Variants in AFP observed in about 807,000 individuals in gnomAD.
The protein encoded by AFP is alpha fetoprotein, also known as alpha-fetoprotein.
In AFP, 64 loss-of-function variants were observed where a neutral mutation model predicts 78.9. That is an observed-to-expected ratio of 0.81 (90% CI 0.66 to 1.00). AFP has a LOEUF of 1.00. AFP is among the 50% of genes least tolerant of loss of function. The pLI is 0.00. For synonymous variants in AFP, 254 were observed against 243.8 expected (o/e 1.04, Z -0.39); for missense variants, 689 against 703.8 (o/e 0.98, Z 0.24).
intron 14 of AFP, 45 bp downstream of exon 14, chr4:73,455,335 A>AC: frequency 7.0e-7 from 1 of 1,432,538 alleles, no homozygotes; most frequent in Non-Finnish European, 9.8e-7. Flanking sequence ...TTGTTTCTCC[A>AC]GAAATATCAA....
chr4:73,453,017 G>T (rs1273953145), intron 12 of AFP, among the ~76,000 whole-genome samples: 1 of 152,100 alleles, frequency 6.6e-6, no homozygotes, highest in East Asian at 1.9e-4. Flanking sequence ...ACTTTGAAGA[G>T]AATAACCATC....
At chr4:73,448,955 G>T (rs977132170) in intron 8 of AFP, among the ~76,000 whole-genome samples, 1 of 151,872 alleles carries the variant, frequency 6.6e-6, no homozygotes, top group African/African-American at 2.4e-5. Flanking sequence ...TATTTGTTCT[G>T]CCTCCCTATA....
At chr4:73,438,150 G>C (rs371206375) in intron 2 of AFP, 24 bp from the exon 3 acceptor site, 2 of 1,612,548 alleles carry the variant, frequency 1.2e-6, no homozygotes, top group Non-Finnish European at 1.7e-6. Flanking sequence ...GTTCCTTAAG[G>C]ATTCACACGT....
chr4:73,443,200 G>A (rs1332500878), intron 5 of AFP, 147 bp from the exon 6 acceptor site: 7 of 702,648 alleles, frequency 1.0e-5, no homozygotes, highest in Middle Eastern at 3.9e-4. Flanking sequence ...AATATTCTGC[G>A]ATAATGTATG....
Position 73,449,389 on chromosome 4 carries a change from A to G in AFP, c.1113A>G (p.Leu371=). 9 of 1,613,366 alleles carry G rather than the reference A, an allele frequency of 5.6e-6. No individual in the cohort carries two copies. Among genetic ancestry groups the G allele is most frequent in the Non-Finnish European group, 5.9e-6 (7 of 1,179,470 alleles). Residue 371 remains leucine, a synonymous_variant, in exon 9 of 15, where the codon CTA becomes CTG. Transcript: ENST00000395792. ...CTCAGCTTGCTGTCTCAGTAATTCT[A>G]AGAGTTGCTAAAGGATACCAGGAGT... is the stretch of plus-strand genomic sequence containing the variant. The part of the protein sequence containing the change: ...RHPQLAVSVI[L]RVAKGYQELL...
chr4:73,443,332 T>G lies in AFP; in HGVS notation c.616-15T>G. The G allele has an allele frequency of 6.3e-7, 1 of 1,590,054 alleles. No individual in the cohort carries two copies. The highest frequency in any genetic ancestry group is 8.6e-7 in the Non-Finnish European group (1 of 1,158,132). ...AGTATATGCTTTCATGACATTTTGT[T>G]TCCTCTACATCTAGGCAGCAACAGT... On this transcript the variant is annotated splice_polypyrimidine_tract_variant and intron_variant, in intron 5 of 14. Coordinates refer to ENST00000395792, the MANE Select transcript of AFP (RefSeq NM_001134.3).
At chr4:73,454,275 T>C (rs1004792879) in intron 13 of AFP, among the ~76,000 whole-genome samples, 1 of 151,958 alleles carries the variant, frequency 6.6e-6, no homozygotes, top group Non-Finnish European at 1.5e-5. Flanking sequence ...GTATTAGGAG[T>C]CTATTTGTAG....
chr4:73,444,508 A>C (rs556908804), intron 6 of AFP, among the ~76,000 whole-genome samples: 11 of 152,312 alleles, frequency 7.2e-5, no homozygotes, highest in African/African-American at 2.4e-4. Context: ...CTCTCTTGGC[A>C]CACTGGTATG....
intron 12 of AFP, 151 bp downstream of exon 12, chr4:73,452,775 G>T (rs1720042442): frequency 2.7e-6 from 2 of 736,974 alleles, no homozygotes; most frequent in Non-Finnish European, 4.7e-6. Context: ...TTTTGTCTCA[G>T]TGTCTTCACA....
At chr4:73,446,057 T>C (rs1719814886) in intron 7 of AFP, among the ~76,000 whole-genome samples, 1 of 152,192 alleles carries the variant, frequency 6.6e-6, no homozygotes, top group South Asian at 2.1e-4. Context: ...GATAAAATGC[T>C]CATTTCAGCC....
intron 6 of AFP, among the ~76,000 whole-genome samples, chr4:73,444,244 A>G (rs1268527426): frequency 6.6e-6 from 1 of 152,194 alleles, no homozygotes; most frequent in Non-Finnish European, 1.5e-5. Flanking sequence ...AGATTAATTT[A>G]TGACCTACTT....
chr4:73,450,857 T>A, intron 11 of AFP, 104 bp downstream of exon 11: 1 of 1,582,996 alleles, frequency 6.3e-7, no homozygotes, highest in Non-Finnish European at 8.6e-7. Flanking sequence ...AATGTAGAGA[T>A]GGCCTTAGGA....
intron 11 of AFP, among the ~76,000 whole-genome samples, chr4:73,451,600 A>G (rs1242010742): frequency 6.6e-6 from 1 of 152,170 alleles, no homozygotes; most frequent in African/African-American, 2.4e-5. Context: ...TCAGGAGTGT[A>G]TGTTCCGGAG....
At position 73,436,273 on chromosome 4, in the gene AFP, T is replaced by C. The variant is rs1452921475; in HGVS notation, c.11T>C (p.Val4Ala). Reference sequence around the variant, plus strand: ...AAATAACTAGCAACCATGAAGTGGGTGGAATCAATTTTTTTAATTTTCCTA... The same window carrying C: ...AAATAACTAGCAACCATGAAGTGGGCGGAATCAATTTTTTTAATTTTCCTA... The part of the protein sequence containing the change: MKW[V>A]ESIFLIFLLN... The change falls in exon 1 of 15, where the codon GTG becomes GCG. Residue 4 changes from valine to alanine, a missense_variant. Coordinates refer to ENST00000395792, the MANE Select transcript of AFP (RefSeq NM_001134.3). 2.5e-6 allele frequency: 4 copies of C among 1,600,328 alleles called. No homozygotes were observed. In the African/African-American group the frequency reaches 4.0e-5, roughly 16 times the overall value.
intron 1 of AFP, 33 bp downstream of exon 1, chr4:73,436,380 C>A: frequency 7.9e-7 from 1 of 1,270,412 alleles, no homozygotes; most frequent in Non-Finnish European, 1.1e-6. Context: ...TGTCTTTTCT[C>A]TATATCAAAA....
chr4:73,449,993 C>A, intron 9 of AFP, 43 bp from the exon 10 acceptor site: 1 of 1,386,682 alleles, frequency 7.2e-7, no homozygotes, highest in Non-Finnish European at 1.0e-6. Flanking sequence ...AGTTATGCAT[C>A]CAAGAAAAGA....
chr4:73,444,637 T>C (rs923446593), intron 6 of AFP, among the ~76,000 whole-genome samples: 1 of 152,236 alleles, frequency 6.6e-6, no homozygotes, highest in Non-Finnish European at 1.5e-5. Flanking sequence ...CTCATTTTCA[T>C]GGAATTTTCC....
At chr4:73,446,205 T>A (rs1370182340) in intron 7 of AFP, among the ~76,000 whole-genome samples, 1 of 152,220 alleles carries the variant, frequency 6.6e-6, no homozygotes, top group Non-Finnish European at 1.5e-5. Context: ...ACTACTTTAC[T>A]TGTTTTTCTT....
At chr4:73,442,004 G>A (rs2276937) in intron 4 of AFP, among the ~76,000 whole-genome samples, 78,592 of 151,952 alleles carry the variant, frequency 0.52, 20,713 homozygotes, top group Non-Finnish European at 0.57. Flanking sequence ...TTATTGAAAA[G>A]GACCTTTTAA....
Sources: allele counts gnomAD v4.1 joint callset (sites outside exome capture counted in the v4.1 genomes callset), GRCh38; gene constraint gnomAD v4.1.1; transcripts MANE v1.5; gene names NCBI Gene and HGNC (gene_info 2026-07-23, HGNC 2026-07-21).